Variants in FZR1 observed in about 807,000 individuals in gnomAD.
The protein encoded by FZR1 is fizzy-related protein homolog.
FZR1 carries 11 observed loss-of-function variants against 63.6 expected under a neutral mutation model. The observed-to-expected ratio is 0.17, with a 90% CI of 0.11 to 0.29. The LOEUF is 0.29. Among genes scored for constraint, FZR1 ranks in the 10% least tolerant of loss-of-function variants. FZR1 has a pLI of 1.00. For missense variants in FZR1, 440 were observed against 687.5 expected (o/e 0.64, Z 4.03); for synonymous variants, 328 against 297.9 (o/e 1.10, Z -1.04).
chr19:3,514,907 A>G lies in FZR1; in HGVS notation c.-34-8049A>G, dbSNP rs1441350500. Among the ~76,000 whole-genome samples the G allele has an allele frequency of 2.0e-5, 3 of 152,208 alleles. No homozygotes were observed. Among genetic ancestry groups the G allele is most frequent in the African/African-American group, 7.2e-5 (3 of 41,452 alleles). On this transcript the variant is annotated intron_variant, in intron 1 of 13. Coordinates refer to ENST00000441788, the MANE Select transcript of FZR1 (RefSeq NM_016263.4). The surrounding 1 kb of genome is among the most constrained non-coding windows in gnomAD (Gnocchi z 4.2). ...GAAGGCTTGCCCGGGGCAGTGGCAGAAGGAGGCCTCCTGGCTCTTCATTCT... is the reference window on the plus strand; with the variant it reads ...GAAGGCTTGCCCGGGGCAGTGGCAGGAGGAGGCCTCCTGGCTCTTCATTCT...
In FZR1 at chr19:3,512,650, C is replaced by T. The variant is rs535131457; in HGVS notation, c.-35+6176C>T. Among the ~76,000 whole-genome samples the T allele has an allele frequency of 7.9e-5, 12 of 152,192 alleles. No individual in the cohort carries two copies. The South Asian group carries it at 1.7e-3, about 21-fold the overall frequency. On this transcript the variant is annotated intron_variant, in intron 1 of 13. Transcript: ENST00000441788. ...CCTGGAGCTGCAGGGCTGAGGGCCG[C>T]GTGTGCTGGGTGGGGTGGTGCTGGT...
Position 3,514,422 on chromosome 19 carries a change from G to A in FZR1, c.-35+7948G>A, listed in dbSNP as rs990569994. 6.6e-6 allele frequency among the ~76,000 whole-genome samples: 1 copy of A among 152,184 alleles called. No individual in the cohort carries two copies. On this transcript the variant is annotated intron_variant, in intron 1 of 13. Transcript: ENST00000441788. This position sits in a 1 kb window ranked among gnomAD's most constrained non-coding sequence, Gnocchi z 4.2. Reference sequence around the variant, plus strand: ...GGGTGCGGCCGTCCTGGGCACTACAGGGTGCTGAGCAGCGTCCCTGGCCTC... The same window carrying A: ...GGGTGCGGCCGTCCTGGGCACTACAAGGTGCTGAGCAGCGTCCCTGGCCTC...
At position 3,526,067 on chromosome 19, in the gene FZR1, G is replaced by T; in HGVS notation, c.196-53G>T. ...CCCCTCCCAGCCTCCTTGCTCTAGG[G>T]CCGGGAACAAGCGGGCTCCTCGACC... is the stretch of plus-strand genomic sequence containing the variant. On this transcript the variant is annotated intron_variant, in intron 3 of 13. Transcript: ENST00000441788. This position sits in a 1 kb window ranked among gnomAD's most constrained non-coding sequence, Gnocchi z 5.4. 1.2e-6 allele frequency: 2 copies of T among 1,611,882 alleles called. No individual in the cohort carries two copies. The highest frequency in any genetic ancestry group is 1.7e-6 in the Non-Finnish European group (2 of 1,179,340).
rs8106560 is a variant in FZR1 at position 3,535,540 on chromosome 19, C to A, written c.*704C>A. ...CTTCAGATGGGCCTGTGCATCCTGG[C>A]CAAGCGTCACCCTCACACTGGAGGA... On this transcript the variant is annotated 3_prime_UTR_variant, in exon 14 of 14. Coordinates refer to ENST00000441788, the MANE Select transcript of FZR1 (RefSeq NM_016263.4). The A allele has an allele frequency of 0.081, 12,339 of 152,802 alleles. 1,658 individuals carry two copies. Among genetic ancestry groups the A allele is most frequent in the African/African-American group, 0.28 (11,546 of 41,544 alleles). The allele number at this position is 152,802 out of a possible 1,614,324, so 9.5% of individuals were successfully genotyped here.
chr19:3,534,846 G>A lies in FZR1; in HGVS notation c.*10G>A. 6.2e-7 allele frequency: 1 copy of A among 1,608,334 alleles called. No individual in the cohort carries two copies. The highest frequency in any genetic ancestry group is 8.5e-7 in the Non-Finnish European group (1 of 1,176,074). On this transcript the variant is annotated 3_prime_UTR_variant, in exon 14 of 14. Coordinates refer to ENST00000441788, the MANE Select transcript of FZR1 (RefSeq NM_016263.4). The stretch of plus-strand genomic sequence containing the variant: ...CACCAGGATCCGGTAAACCTGCCGG[G>A]CAGGACCGTGCCACACCAGCTGTCC...
chr19:3,508,393 C>A (rs961708241), intron 1 of FZR1, among the ~76,000 whole-genome samples: 6 of 152,068 alleles, frequency 3.9e-5, no homozygotes, highest in African/African-American at 1.4e-4. Flanking sequence ...CAGGTTTTCA[C>A]CATGTTGGCC....
intron 1 of FZR1, among the ~76,000 whole-genome samples, chr19:3,508,273 C>T (rs1265697107): frequency 4.7e-5 from 7 of 149,790 alleles, no homozygotes; most frequent in Non-Finnish European, 8.9e-5. Context: ...CTCGGCTCAC[C>T]GCAACCTCTG....
At chr19:3,513,594 A>G (rs2083038491) in intron 1 of FZR1, among the ~76,000 whole-genome samples, 1 of 152,200 alleles carries the variant, frequency 6.6e-6, no homozygotes, top group Non-Finnish European at 1.5e-5. Context: ...GAGTGCTTCC[A>G]GCTGTGCCAG....
chr19:3,530,057 GAT>G (rs1253320209), intron 7 of FZR1, among the ~76,000 whole-genome samples: 1 of 128,762 alleles, frequency 7.8e-6, no homozygotes, highest in African/African-American at 3.1e-5. Flanking sequence ...TGGGAGAGCA[GAT>G]GGGTGAGCGG....
At position 3,530,102 on chromosome 19, in the gene FZR1, G is replaced by A. The variant is rs1331891065; in HGVS notation, c.655-690G>A. On this transcript the variant is annotated intron_variant, in intron 7 of 13. Coordinates refer to ENST00000441788, the MANE Select transcript of FZR1 (RefSeq NM_016263.4). ...AGCGGATGGGAGAGTGGATGAGAGT[G>A]GTTGAGGGAGCGGATGGGTGAGCGG... 7.6e-5 allele frequency among the ~76,000 whole-genome samples: 10 copies of A among 131,760 alleles called. 1 individual carries two copies. The highest frequency in any genetic ancestry group is 1.5e-4 in the Non-Finnish European group (9 of 61,072). 86.4% of individuals were successfully genotyped at this position (131,760 alleles called of 152,430 possible).
Position 3,530,458 on chromosome 19 carries a change from G to GCATGGGAGAGCA in FZR1, c.655-329_655-328insGAGAGCACATGG, listed in dbSNP as rs1444772520. Among the ~76,000 whole-genome samples the GCATGGGAGAGCA allele has an allele frequency of 4.6e-5, 6 of 129,390 alleles. 1 individual carries two copies. Among genetic ancestry groups the GCATGGGAGAGCA allele is most frequent in the African/African-American group, 1.9e-4 (6 of 31,388 alleles). 84.9% of individuals were successfully genotyped at this position (129,390 alleles called of 152,430 possible). A position where few individuals can be genotyped will look rare whatever the true frequency, so the allele number is the denominator to read the frequency against. ...CGGATGGGAGAGCGCATGGGAGAGC[G>GCATGGGAGAGCA]CATGGATGAGCGCATGGGAGAGCGC... On this transcript the variant is annotated intron_variant, in intron 7 of 13. Coordinates refer to ENST00000441788, the MANE Select transcript of FZR1 (RefSeq NM_016263.4).
chr19:3,506,910 C>G (rs563870790), intron 1 of FZR1, among the ~76,000 whole-genome samples: 255 of 152,316 alleles, frequency 1.7e-3, no homozygotes, highest in Middle Eastern at 3.4e-3. Context: ...CTTCCCAGTT[C>G]AGACCCTCCC....
At position 3,516,917 on chromosome 19, in the gene FZR1, C is replaced by T. The variant is rs2083062704; in HGVS notation, c.-34-6039C>T. Among the ~76,000 whole-genome samples, 1 of 152,236 alleles carries T rather than the reference C, an allele frequency of 6.6e-6. No homozygotes were observed. Among genetic ancestry groups the T allele is most frequent in the South Asian group, 2.1e-4 (1 of 4,828 alleles). ...AGCGATGTGTGCCAGGGGCCGTGTG[C>T]AGCTGCAGCTGGCGCCCGGTGTATT... On this transcript the variant is annotated intron_variant, in intron 1 of 13. Transcript: ENST00000441788. This position sits in a 1 kb window ranked among gnomAD's most constrained non-coding sequence, Gnocchi z 6.0.
At chr19:3,519,034 A>C (rs1021018860) in intron 1 of FZR1, among the ~76,000 whole-genome samples, 1 of 151,528 alleles carries the variant, frequency 6.6e-6, no homozygotes, top group African/African-American at 2.4e-5. Flanking sequence ...TCAATGAATG[A>C]CCCTCCCCAC....
intron 7 of FZR1, among the ~76,000 whole-genome samples, chr19:3,528,624 T>TGAGTGGATGGGAGAGTGGATGGGA (rs570668761): frequency 1.3e-5 from 2 of 150,394 alleles, no homozygotes; most frequent in African/African-American, 4.9e-5. Flanking sequence ...AGAGAGTGAA[T>TGAGTGGATGGGAGAGTGGATGGGA]GAGTGGATGG....
At chr19:3,521,993 A>G (rs2083106605) in intron 1 of FZR1, among the ~76,000 whole-genome samples, 1 of 151,888 alleles carries the variant, frequency 6.6e-6, no homozygotes, top group African/African-American at 2.4e-5. Context: ...AGTAGCTGGG[A>G]CCACAGGTGC....
chr19:3,525,157 G>C lies in FZR1; in HGVS notation c.70-711G>C, dbSNP rs528586905. On this transcript the variant is annotated intron_variant, in intron 2 of 13. Coordinates refer to ENST00000441788, the MANE Select transcript of FZR1 (RefSeq NM_016263.4). This position sits in a 1 kb window ranked among gnomAD's most constrained non-coding sequence, Gnocchi z 4.2. ...CGTGTCTTGTGCCGTCAAGGCCTGC[G>C]TCTGTGATCATCTAGAGACGGTGAA... Among the ~76,000 whole-genome samples the C allele has an allele frequency of 2.0e-5, 3 of 152,148 alleles. No individual in the cohort carries two copies. The East Asian group carries it at 5.8e-4, about 29-fold the overall frequency.
In FZR1 at chr19:3,516,701, A is replaced by G. The variant is rs2083061425; in HGVS notation, c.-34-6255A>G. On this transcript the variant is annotated intron_variant, in intron 1 of 13. Transcript: ENST00000441788. This position sits in a 1 kb window ranked among gnomAD's most constrained non-coding sequence, Gnocchi z 6.0. Reference sequence around the variant, plus strand: ...CCCTGCCCTCACTGCAGGGACAGACAGGAGCTGGGTCTCAGGCTGCTGGGC... The same window carrying G: ...CCCTGCCCTCACTGCAGGGACAGACGGGAGCTGGGTCTCAGGCTGCTGGGC... Among the ~76,000 whole-genome samples, 1 of 152,192 alleles carries G rather than the reference A, an allele frequency of 6.6e-6. No individual in the cohort carries two copies. The highest frequency in any genetic ancestry group is 2.4e-5 in the African/African-American group (1 of 41,456).
Position 3,526,402 on chromosome 19 carries a change from C to G in FZR1, c.387+16C>G. ...TCTGTTCACGGTAAGCCTGCGGCAC[C>G]CCCCACCCGGGAGCTGGCTCCCAGT... On this transcript the variant is annotated intron_variant, in intron 5 of 13. Transcript: ENST00000441788. The surrounding 1 kb of genome is among the most constrained non-coding windows in gnomAD (Gnocchi z 5.4). 6.4e-7 allele frequency: 1 copy of G among 1,553,672 alleles called. No homozygotes were observed. The highest frequency in any genetic ancestry group is 2.1e-4 in the Middle Eastern group (1 of 4,714).
Sources: allele counts gnomAD v4.1 joint callset (sites outside exome capture counted in the v4.1 genomes callset), GRCh38; gene constraint gnomAD v4.1.1; non-coding constraint Gnocchi (gnomAD v3.1); transcripts MANE v1.5; gene names NCBI Gene and HGNC (gene_info 2026-07-23, HGNC 2026-07-21).